The following LARGE1 variants were observed in gnomAD, a reference collection of about 807,000 sequenced individuals.
LARGE1 encodes the protein xylosyl- and glucuronyltransferase LARGE1.
LARGE1 carries 43 observed loss-of-function variants against 87.6 expected under a neutral mutation model. That is an observed-to-expected ratio of 0.49 (90% confidence interval 0.38 to 0.63). The LOEUF (loss-of-function observed/expected upper bound fraction) is 0.63. Ranked by LOEUF, LARGE1 falls within the 30% of genes least tolerant of loss-of-function variation. The probability of loss-of-function intolerance (pLI) is 0.00; values close to 1 mark genes in which losing one functional copy is unlikely to be tolerated. For missense variants in LARGE1, 802 were observed against 1,000.2 expected, an observed-to-expected ratio of 0.80 and a Z score of 2.67; for synonymous variants, 434 against 394.6, an observed-to-expected ratio of 1.10 and a Z score of -1.18.
At chr22:33,110,112 ACTGT>A in the LARGE1 span, among the ~76,000 whole-genome samples, 2 of 152,154 alleles carry the variant, frequency 1.3e-5, no homozygotes, top group Admixed American at 1.3e-4. Flanking sequence ...CACCACCAAA[ACTGT>A]CTGACTATTC....
At chr22:33,887,312 C>T (rs139140474) in intron 1 of LARGE1, among the ~76,000 whole-genome samples, 37 of 152,318 alleles carry the variant, frequency 2.4e-4, no homozygotes, top group Admixed American at 7.2e-4. Context: ...AGCTCCCTCG[C>T]CCCTTCTTTC....
chr22:33,511,820 C>T (rs1312839565), intron 6 of LARGE1, among the ~76,000 whole-genome samples: 3 of 152,178 alleles, frequency 2.0e-5, no homozygotes, highest in African/African-American at 7.2e-5. Context: ...ACTTAGTACC[C>T]AGCCTTTCCT....
intron 5 of LARGE1, chr22:33,572,382 G>T (rs16992562): frequency 0.21 from 63,193 of 294,630 alleles, 7,752 homozygotes; most frequent in African/African-American, 0.37. Flanking sequence ...AGAAGATCGT[G>T]AAATGAGCAC....
chr22:33,483,276 C>T (rs1385266662), intron 6 of LARGE1, among the ~76,000 whole-genome samples: 5 of 152,132 alleles, frequency 3.3e-5, no homozygotes, highest in Non-Finnish European at 5.9e-5. Context: ...GGCTTTCATC[C>T]AGCTCTCTCT....
chr22:33,281,336 T>G (rs922833521), intron 13 of LARGE1, among the ~76,000 whole-genome samples: 1 of 152,062 alleles, frequency 6.6e-6, no homozygotes, highest in Middle Eastern at 3.2e-3. Context: ...AAGGTTTGGT[T>G]TGAAAGTCTC....
chr22:33,602,654 G>C (rs1358411760), intron 5 of LARGE1, among the ~76,000 whole-genome samples: 1 of 152,062 alleles, frequency 6.6e-6, no homozygotes, highest in Non-Finnish European at 1.5e-5. Flanking sequence ...GACTACAGGT[G>C]TGTGCCGTCA....
intron 6 of LARGE1, among the ~76,000 whole-genome samples, chr22:33,439,846 G>A (rs1879996193): frequency 6.6e-6 from 1 of 152,182 alleles, no homozygotes; most frequent in African/African-American, 2.4e-5. Context: ...TTGGTAGCAT[G>A]AAGATCAAAC....
chr22:33,562,350 G>C (rs1194068844), intron 6 of LARGE1, among the ~76,000 whole-genome samples: 2 of 152,172 alleles, frequency 1.3e-5, no homozygotes, highest in East Asian at 3.9e-4. Context: ...AGATAAAAAC[G>C]CAATGCACTC....
At chr22:33,509,759 A>C (rs376480968) in intron 6 of LARGE1, among the ~76,000 whole-genome samples, 1 of 152,050 alleles carries the variant, frequency 6.6e-6, no homozygotes, top group Non-Finnish European at 1.5e-5. Flanking sequence ...AGATTTTATA[A>C]ATGTTCTGTG....
chr22:33,072,291 G>A, the LARGE1 span, among the ~76,000 whole-genome samples: 16 of 152,276 alleles, frequency 1.1e-4, 1 homozygote, highest in Middle Eastern at 0.024. Flanking sequence ...GGAGGAGAAG[G>A]AGGAGGAGGT....
At chr22:33,758,898 T>A (rs1340422523) in intron 2 of LARGE1, among the ~76,000 whole-genome samples, 1 of 152,152 alleles carries the variant, frequency 6.6e-6, no homozygotes, top group Non-Finnish European at 1.5e-5. Flanking sequence ...GGCTTAAAGT[T>A]AACAAAAAAG....
At chr22:33,783,722 G>T (rs895682480) in intron 1 of LARGE1, among the ~76,000 whole-genome samples, 1 of 152,170 alleles carries the variant, frequency 6.6e-6, no homozygotes, top group African/African-American at 2.4e-5. Flanking sequence ...ATGAGAAATT[G>T]CTTGCAACCC....
At chr22:33,414,542 C>T (rs1032190723) in intron 7 of LARGE1, among the ~76,000 whole-genome samples, 1 of 152,120 alleles carries the variant, frequency 6.6e-6, no homozygotes, top group African/African-American at 2.4e-5. Flanking sequence ...CTAGGATTGG[C>T]AACTCATGTT....
chr22:33,387,039 G>A (rs1396491322), intron 7 of LARGE1, among the ~76,000 whole-genome samples: 1 of 148,574 alleles, frequency 6.7e-6, no homozygotes. Context: ...AGGAGGCGGA[G>A]GTTGCAGTGA....
chr22:33,675,183 A>G (rs931309241), intron 2 of LARGE1, among the ~76,000 whole-genome samples: 1 of 150,384 alleles, frequency 6.6e-6, no homozygotes, highest in African/African-American at 2.4e-5. Context: ...AATTCCAGCT[A>G]CTCAGGAGGC....
chr22:33,498,666 G>A (rs942934006), intron 6 of LARGE1, among the ~76,000 whole-genome samples: 2 of 152,086 alleles, frequency 1.3e-5, no homozygotes, highest in Non-Finnish European at 2.9e-5. Context: ...ATAGCAGGGC[G>A]TGTTCTTTAT....
intron 13 of LARGE1, among the ~76,000 whole-genome samples, chr22:33,280,659 C>T (rs879551416): frequency 2.0e-5 from 3 of 152,128 alleles, no homozygotes; most frequent in Non-Finnish European, 4.4e-5. Flanking sequence ...ATGAACCTCT[C>T]GTTAAAACAA....
At chr22:33,191,340 C>A (rs1181450123) in intron 11 of LARGE1, among the ~76,000 whole-genome samples, 1 of 152,158 alleles carries the variant, frequency 6.6e-6, no homozygotes, top group African/African-American at 2.4e-5. Flanking sequence ...TTGACAGAGA[C>A]AGTAAAAATA....
the LARGE1 span, among the ~76,000 whole-genome samples, chr22:33,151,696 C>T: frequency 6.6e-6 from 1 of 152,174 alleles, no homozygotes; most frequent in Non-Finnish European, 1.5e-5. Context: ...TTCATTGAGA[C>T]AACTATGAGA....
Sources: gnomAD v4.1 joint callset for allele counts (sites outside exome capture counted in the v4.1 genomes callset) on GRCh38, gnomAD v4.1.1 for gene constraint, MANE v1.5 for transcripts, NCBI Gene and HGNC (gene_info 2026-07-23, HGNC 2026-07-21) for gene names.